Variants in ABCD3 observed in about 807,000 individuals in gnomAD.
The protein encoded by ABCD3 is ATP-binding cassette sub-family D member 3.
ABCD3 carries 41 observed loss-of-function variants against 105.5 expected under a neutral mutation model. The ratio of observed to expected loss-of-function variants is 0.39; its 90% CI spans 0.30 to 0.50. ABCD3 has a LOEUF of 0.50. Among genes scored for constraint, ABCD3 ranks in the 20% least tolerant of loss-of-function variants. The probability of loss-of-function intolerance (pLI) is 0.84; values close to 1 mark genes in which losing one functional copy is unlikely to be tolerated. For synonymous variants in ABCD3, 258 were observed against 269.0 expected (o/e 0.96, Z 0.40); for missense variants, 622 against 806.3 (o/e 0.77, Z 2.77).
chr1:94,493,577 G>A (rs907832483), intron 16 of ABCD3, among the ~76,000 whole-genome samples: 1 of 151,396 alleles, frequency 6.6e-6, no homozygotes, highest in South Asian at 2.1e-4. Flanking sequence ...ATTTGACCCA[G>A]CCATCCCATT....
chr1:94,418,639 C>A (rs1208372095), intron 1 of ABCD3, 51 bp downstream of exon 1: 4 of 1,526,486 alleles, frequency 2.6e-6, no homozygotes, highest in Non-Finnish European at 3.5e-6. Context: ...CGGGCGCTCC[C>A]CGCGCGCTCT....
chr1:94,515,307 A>G (rs568005541), intron 22 of ABCD3, 105 bp downstream of exon 22: 43 of 929,932 alleles, frequency 4.6e-5, no homozygotes, highest in African/African-American at 6.6e-5. Flanking sequence ...TCCCTTAAAC[A>G]TATGTCTTAA....
chr1:94,432,321 A>G (rs1292837068), intron 1 of ABCD3, among the ~76,000 whole-genome samples: 1 of 152,210 alleles, frequency 6.6e-6, no homozygotes, highest in African/African-American at 2.4e-5. Flanking sequence ...GGAGGGTTTC[A>G]TACTGGAGCT....
At chr1:94,506,778 G>T in intron 21 of ABCD3, 136 bp downstream of exon 21, 2 of 624,432 alleles carry the variant, frequency 3.2e-6, no homozygotes, top group Non-Finnish European at 5.7e-6. Flanking sequence ...TTTTAATAAA[G>T]ATTTAAAACA....
chr1:94,491,287 T>A, intron 16 of ABCD3, 40 bp downstream of exon 16: 1 of 1,443,184 alleles, frequency 6.9e-7, no homozygotes, highest in Non-Finnish European at 9.7e-7. Flanking sequence ...TAAATCATCT[T>A]TAAAATGTGA....
intron 1 of ABCD3, among the ~76,000 whole-genome samples, chr1:94,446,562 A>C (rs1660352698): frequency 6.6e-6 from 1 of 152,216 alleles, no homozygotes; most frequent in Non-Finnish European, 1.5e-5. Flanking sequence ...AATGGGGAAA[A>C]GTGAAATTAA....
At chr1:94,465,309 C>T (rs1441837908) in intron 3 of ABCD3, among the ~76,000 whole-genome samples, 1 of 152,110 alleles carries the variant, frequency 6.6e-6, no homozygotes, top group East Asian at 1.9e-4. Flanking sequence ...GTTCAACTTT[C>T]AAGGTTATGT....
intron 16 of ABCD3, among the ~76,000 whole-genome samples, chr1:94,495,175 C>G (rs974642200): frequency 5.3e-5 from 8 of 152,034 alleles, no homozygotes; most frequent in African/African-American, 1.9e-4. Context: ...TCATAAACAC[C>G]ATACTTTTAT....
intron 1 of ABCD3, among the ~76,000 whole-genome samples, chr1:94,442,481 G>A (rs1041822764): frequency 2.6e-5 from 4 of 152,022 alleles, no homozygotes; most frequent in African/African-American, 4.8e-5. Flanking sequence ...TAAAAAAATG[G>A]TTTAAATATA....
intron 4 of ABCD3, 94 bp downstream of exon 4, chr1:94,468,101 T>C (rs1307943038): frequency 2.1e-5 from 20 of 941,466 alleles, no homozygotes; most frequent in Non-Finnish European, 3.2e-5. Flanking sequence ...AGATTCTAAG[T>C]TAGGTAAAAG....
chr1:94,403,654 A>G, the ABCD3 span, among the ~76,000 whole-genome samples: 1 of 152,192 alleles, frequency 6.6e-6, no homozygotes, highest in Non-Finnish European at 1.5e-5. Flanking sequence ...TATTTCTTCA[A>G]TGGCTTATAA....
intron 1 of ABCD3, among the ~76,000 whole-genome samples, chr1:94,422,735 C>G (rs1364558253): frequency 1.3e-5 from 2 of 152,110 alleles, no homozygotes; most frequent in South Asian, 2.1e-4. Flanking sequence ...ATGCCTAGTA[C>G]AAACATGAAT....
At chr1:94,502,686 G>A (rs1384087657) in intron 20 of ABCD3, among the ~76,000 whole-genome samples, 1 of 151,888 alleles carries the variant, frequency 6.6e-6, no homozygotes, top group Non-Finnish European at 1.5e-5. Context: ...TTTTTGTAGA[G>A]ATGGGGTTTC....
chr1:94,460,772 T>C (rs1647830725), intron 2 of ABCD3, among the ~76,000 whole-genome samples: 1 of 152,128 alleles, frequency 6.6e-6, no homozygotes, highest in African/African-American at 2.4e-5. Context: ...GTCTCTGTAA[T>C]ATTTCCTTCC....
chr1:94,474,305 C>G (rs1398536055), intron 5 of ABCD3, among the ~76,000 whole-genome samples: 3 of 151,876 alleles, frequency 2.0e-5, no homozygotes, highest in Non-Finnish European at 4.4e-5. Flanking sequence ...TAAACTATTA[C>G]AGTAACTTGA....
intron 20 of ABCD3, among the ~76,000 whole-genome samples, chr1:94,502,181 T>TA (rs1650129907): frequency 6.6e-6 from 1 of 152,328 alleles, no homozygotes; most frequent in Non-Finnish European, 1.5e-5. Flanking sequence ...TGAGCACAGC[T>TA]AAAAAACATC....
chr1:94,430,889 G>A (rs1659648013), intron 1 of ABCD3, among the ~76,000 whole-genome samples: 1 of 152,048 alleles, frequency 6.6e-6, no homozygotes, highest in South Asian at 2.1e-4. Flanking sequence ...ATACACCATG[G>A]AAATTTGAAT....
At chr1:94,426,848 AT>A (rs67942477) in intron 1 of ABCD3, among the ~76,000 whole-genome samples, 67,487 of 131,334 alleles carry the variant, frequency 0.51, 17,416 homozygotes, top group East Asian at 0.77. Context: ...CCCAGCCTGA[AT>A]TTTTTTTTTT....
At chr1:94,433,136 G>A (rs989183268) in intron 1 of ABCD3, among the ~76,000 whole-genome samples, 9 of 150,338 alleles carry the variant, frequency 6.0e-5, no homozygotes, top group Middle Eastern at 3.5e-3. Context: ...GATTACAGGC[G>A]TAAGCCACAA....
Sources: gnomAD v4.1 joint callset for allele counts (sites outside exome capture counted in the v4.1 genomes callset) on GRCh38, gnomAD v4.1.1 for gene constraint, MANE v1.5 for transcripts, NCBI Gene and HGNC (gene_info 2026-07-23, HGNC 2026-07-21) for gene names.